Variants in SCN11A observed in about 807,000 individuals in gnomAD.
SCN11A encodes the protein sodium channel protein type 11 subunit alpha.
A neutral mutation model predicts 162.2 loss-of-function variants in SCN11A; 122 were observed. The observed-to-expected ratio is 0.75, with a 90% CI of 0.65 to 0.87. The LOEUF (loss-of-function observed/expected upper bound fraction) is 0.87. SCN11A is among the 40% of genes least tolerant of loss of function. SCN11A has a pLI of 0.00. For missense variants in SCN11A, 2,015 were observed against 2,181.6 expected, an observed-to-expected ratio of 0.92 and a Z score of 1.52; for synonymous variants, 758 against 751.5, an observed-to-expected ratio of 1.01 and a Z score of -0.14.
intron 8 of SCN11A, 49 bp downstream of exon 8, chr3:38,926,754 G>A: frequency 6.3e-7 from 1 of 1,585,258 alleles, no homozygotes; most frequent in South Asian, 1.1e-5. Context: ...AAGCAAAGGG[G>A]CTTCTTTCCC....
chr3:38,897,279 T>TC lies in SCN11A; in HGVS notation c.2023-55dup, dbSNP rs1037080164. 7 of 1,522,974 alleles carry TC rather than the reference T, an allele frequency of 4.6e-6. No individual in the cohort carries two copies. In the Admixed American group the frequency reaches 6.4e-5, roughly 14 times the overall value. The allele number at this position is 1,522,974 out of a possible 1,614,324, so 94.3% of individuals were successfully genotyped here. A position where few individuals can be genotyped will look rare whatever the true frequency, so the allele number is the denominator to read the frequency against. On this transcript the variant is annotated intron_variant, in intron 17 of 29. Transcript: ENST00000302328. Reference sequence around the variant, plus strand: ...GAAGAAAAGCCAGTTAAGGACAAACTCCATCTGCTCATCTATAAAGCAAAT... The same window carrying TC: ...GAAGAAAAGCCAGTTAAGGACAAACTCCCATCTGCTCATCTATAAAGCAAAT...
chr3:38,932,035 T>C (rs779724778), intron 7 of SCN11A, among the ~76,000 whole-genome samples: 2 of 152,200 alleles, frequency 1.3e-5, no homozygotes, highest in Non-Finnish European at 2.9e-5. Context: ...CAAATGTTAC[T>C]ATAAACATCC....
At chr3:38,919,839 C>T in intron 11 of SCN11A, 96 bp downstream of exon 11, 1 of 826,086 alleles carries the variant, frequency 1.2e-6, no homozygotes, top group Non-Finnish European at 2.1e-6. Flanking sequence ...GAACTATCAT[C>T]ACTGTGTCCA....
intron 23 of SCN11A, among the ~76,000 whole-genome samples, chr3:38,876,827 T>C (rs1169461736): frequency 1.3e-5 from 2 of 151,960 alleles, no homozygotes; most frequent in African/African-American, 4.8e-5. Flanking sequence ...GATCTGTCAT[T>C]TGATCCAGCA....
intron 1 of SCN11A, among the ~76,000 whole-genome samples, chr3:39,036,797 T>G (rs1356055783): frequency 6.6e-6 from 1 of 152,200 alleles, no homozygotes; most frequent in East Asian, 1.9e-4. Context: ...CTCACCCCAG[T>G]TAAAATGGCT....
Position 38,894,564 on chromosome 3 carries a change from T to G in SCN11A, c.2804A>C (p.Gln935Pro), listed in dbSNP as rs374516577. The G allele has an allele frequency of 5.0e-6, 8 of 1,612,834 alleles. No homozygotes were observed. In the East Asian group the frequency reaches 8.9e-5, roughly 18 times the overall value. Residue 935 changes from glutamine to proline, a missense_variant, in exon 19 of 30, where the codon CAG (glutamine) becomes CCG (proline). By Grantham distance (76) the Gln-to-Pro change is moderately conservative (BLOSUM62 -1). Transcript: ENST00000302328. ...TTCAGGCTCAGGTTGTGTGATGCGCTGTGCATTATCTTCACCAGAAAATTC... is the reference window on the plus strand; with the variant it reads ...TTCAGGCTCAGGTTGTGTGATGCGCGGTGCATTATCTTCACCAGAAAATTC... ...DVEFSGEDNA[Q>P]RITQPEPEQQ...
chr3:38,905,479 T>C (rs1317497412), intron 14 of SCN11A, among the ~76,000 whole-genome samples, 158 bp from the exon 15 acceptor site: 1 of 152,244 alleles, frequency 6.6e-6, no homozygotes, highest in Non-Finnish European at 1.5e-5. Context: ...TATTCAGTTT[T>C]CTTATTTCAT....
intron 1 of SCN11A, among the ~76,000 whole-genome samples, chr3:39,042,042 G>A (rs1216145612): frequency 6.6e-6 from 1 of 152,174 alleles, no homozygotes; most frequent in African/African-American, 2.4e-5. Flanking sequence ...GCTGAGGCAG[G>A]AGGATCACTT....
intron 18 of SCN11A, among the ~76,000 whole-genome samples, chr3:38,896,255 C>A (rs574160742): frequency 5.6e-4 from 85 of 152,228 alleles, no homozygotes; most frequent in African/African-American, 2.0e-3. Flanking sequence ...GCCCCAATAC[C>A]TCATTGAAGT....
At chr3:38,898,385 A>G (rs2065641824) in intron 17 of SCN11A, among the ~76,000 whole-genome samples, 1 of 152,238 alleles carries the variant, frequency 6.6e-6, no homozygotes, top group South Asian at 2.1e-4. Context: ...TTGTGCTACA[A>G]TGGCAAAGTT....
chr3:38,990,683 T>C (rs1289417135), intron 2 of SCN11A, among the ~76,000 whole-genome samples: 14 of 152,152 alleles, frequency 9.2e-5, no homozygotes, highest in Admixed American at 9.2e-4. Flanking sequence ...TTATATACTT[T>C]AACACATTCA....
At position 39,013,159 on chromosome 3, in the gene SCN11A, A is replaced by G. The variant is rs545337615; in HGVS notation, c.-280+19221T>C. ...GAGGGTGGCATACTTTTTTATTTTA[A>G]AAAACAACCAAATGAAAAAAAGTCA... On this transcript the variant is annotated intron_variant, in intron 2 of 29. Coordinates refer to ENST00000302328, the MANE Select transcript of SCN11A (RefSeq NM_001349253.2). Among the ~76,000 whole-genome samples, 451 of 152,350 alleles carry G rather than the reference A, an allele frequency of 3.0e-3. 3 individuals carry two copies. Among genetic ancestry groups the G allele is most frequent in the African/African-American group, 0.01 (431 of 41,578 alleles).
intron 2 of SCN11A, among the ~76,000 whole-genome samples, chr3:38,962,364 C>G (rs1409996464): frequency 6.6e-6 from 1 of 151,850 alleles, no homozygotes; most frequent in African/African-American, 2.4e-5. Context: ...TTTTTTGGAT[C>G]CATATGGATT....
chr3:39,029,774 G>A (rs1272874855), intron 2 of SCN11A, among the ~76,000 whole-genome samples: 2 of 152,192 alleles, frequency 1.3e-5, no homozygotes, highest in Admixed American at 1.3e-4. Flanking sequence ...ACCATTCAAA[G>A]GCTTCTGCAG....
chr3:38,978,748 GA>G (rs1559562623), intron 2 of SCN11A, among the ~76,000 whole-genome samples: 1 of 152,142 alleles, frequency 6.6e-6, no homozygotes, highest in Non-Finnish European at 1.5e-5. Context: ...GAAGGATAAA[GA>G]AAAGCTCCCT....
chr3:38,876,553 T>TG (rs1449813341), intron 23 of SCN11A, among the ~76,000 whole-genome samples: 1 of 152,110 alleles, frequency 6.6e-6, no homozygotes. Context: ...GCAAAGGACA[T>TG]GAATGGACAA....
intron 7 of SCN11A, among the ~76,000 whole-genome samples, chr3:38,944,905 G>A (rs1361836856): frequency 1.3e-5 from 2 of 152,058 alleles, no homozygotes; most frequent in Non-Finnish European, 2.9e-5. Context: ...AGAGGTTGCA[G>A]TGAGCTGAGA....
intron 5 of SCN11A, among the ~76,000 whole-genome samples, chr3:38,947,819 G>A (rs1055096761): frequency 1.3e-5 from 2 of 152,210 alleles, no homozygotes; most frequent in Non-Finnish European, 2.9e-5. Context: ...CTGTCCCCAT[G>A]GCTATCAGTT....
chr3:38,926,977 G>A, intron 7 of SCN11A, 46 bp from the exon 8 acceptor site: 1 of 1,568,282 alleles, frequency 6.4e-7, no homozygotes, highest in Non-Finnish European at 8.7e-7. Flanking sequence ...GATAAACAAT[G>A]TGAAAAGCAA....
Sources: allele counts gnomAD v4.1 joint callset (sites outside exome capture counted in the v4.1 genomes callset), GRCh38; gene constraint gnomAD v4.1.1; transcripts MANE v1.5; gene names NCBI Gene and HGNC (gene_info 2026-07-23, HGNC 2026-07-21).